The following STAMBPL1 variants were observed in gnomAD, a reference collection of about 807,000 sequenced individuals.
STAMBPL1 encodes the protein AMSH-like protease.
STAMBPL1 carries 44 observed loss-of-function variants against 52.9 expected under a neutral mutation model. The ratio of observed to expected loss-of-function variants is 0.83; its 90% CI spans 0.65 to 1.07. The LOEUF is 1.07. Among genes scored for constraint, STAMBPL1 ranks in the 50% least tolerant of loss-of-function variants. STAMBPL1 has a pLI of 0.00. For missense variants in STAMBPL1, 511 were observed against 520.8 expected (o/e 0.98, Z 0.18); for synonymous variants, 164 against 177.3 (o/e 0.92, Z 0.60).
rs78378683 is a variant in STAMBPL1 at position 88,908,271 on chromosome 10, C to T, written c.249-431C>T. 4.7e-3 allele frequency among the ~76,000 whole-genome samples: 719 copies of T among 152,110 alleles called. 7 individuals are homozygous for T. Among genetic ancestry groups the T allele is most frequent in the African/African-American group, 0.016 (671 of 41,494 alleles). On this transcript the variant is annotated intron_variant, in intron 3 of 10. Transcript: ENST00000371926. Reference sequence around the variant, plus strand: ...TTTCGGTTAAGAGTTTTTTGATACACGATGGCGCTGCTGATTCATCAGTGG... The same window carrying T: ...TTTCGGTTAAGAGTTTTTTGATACATGATGGCGCTGCTGATTCATCAGTGG...
At chr10:88,892,347 CGTGTGCGTGTGTGTGTGT>C (rs1352495119) in intron 1 of STAMBPL1, among the ~76,000 whole-genome samples, 1 of 113,384 alleles carries the variant, frequency 8.8e-6, no homozygotes, top group Admixed American at 1.0e-4. Flanking sequence ...TGTGTGTGTG[CGTGTGCGTGTGTGTGTGT>C]GTGTGTGTGT....
intron 8 of STAMBPL1, 114 bp downstream of exon 8, chr10:88,916,931 G>T (rs1027817494): frequency 3.5e-6 from 4 of 1,143,424 alleles, no homozygotes; most frequent in Admixed American, 3.0e-5. Context: ...TTTTTCAAAT[G>T]TAATAAAGGT....
In STAMBPL1 at chr10:88,921,219, A is replaced by G. The variant is rs1242744826; in HGVS notation, c.1042-64A>G. On this transcript the variant is annotated intron_variant, in intron 8 of 10. Coordinates refer to ENST00000371926, the MANE Select transcript of STAMBPL1 (RefSeq NM_020799.4). ...TAAAAAAAAACAGAGTTTTCTATTA[A>G]AATAGCCTATGGCCTTGGCTAAGAC... is the stretch of plus-strand genomic sequence containing the variant. The G allele has an allele frequency of 3.3e-5, 42 of 1,284,540 alleles. No individual in the cohort carries two copies. The East Asian group carries it at 6.6e-4, about 20-fold the overall frequency. The allele number at this position is 1,284,540 out of a possible 1,614,324, so 79.6% of individuals were successfully genotyped here. A position where few individuals can be genotyped will look rare whatever the true frequency, so the allele number is the denominator to read the frequency against.
intron 1 of STAMBPL1, among the ~76,000 whole-genome samples, chr10:88,892,100 A>C (rs913498938): frequency 2.0e-5 from 3 of 152,186 alleles, no homozygotes; most frequent in African/African-American, 4.8e-5. Context: ...ATGCAGGGTG[A>C]GGGAGGAGAA....
At chr10:88,912,137 A>C (rs1040556821) in intron 5 of STAMBPL1, among the ~76,000 whole-genome samples, 4 of 152,174 alleles carry the variant, frequency 2.6e-5, no homozygotes, top group Non-Finnish European at 5.9e-5. Flanking sequence ...CCCTTGCTTC[A>C]CCAGCATTAG....
chr10:88,885,701 T>G (rs926719485), intron 1 of STAMBPL1, among the ~76,000 whole-genome samples: 1 of 152,226 alleles, frequency 6.6e-6, no homozygotes, highest in African/African-American at 2.4e-5. Flanking sequence ...GAATATTTTA[T>G]AGAGTAATGG....
At chr10:88,890,455 G>A (rs951008306) in intron 1 of STAMBPL1, among the ~76,000 whole-genome samples, 19 of 152,212 alleles carry the variant, frequency 1.2e-4, no homozygotes, top group Non-Finnish European at 4.4e-5. Context: ...GTACATTAAG[G>A]AGCCTCCCCG....
chr10:88,890,765 T>C (rs1392072169), intron 1 of STAMBPL1, among the ~76,000 whole-genome samples: 1 of 152,246 alleles, frequency 6.6e-6, no homozygotes, highest in African/African-American at 2.4e-5. Context: ...TATAGCCACT[T>C]AGCTTCCAAG....
At chr10:88,895,320 C>T (rs1170108618) in intron 1 of STAMBPL1, among the ~76,000 whole-genome samples, 2 of 152,192 alleles carry the variant, frequency 1.3e-5, no homozygotes, top group African/African-American at 4.8e-5. Flanking sequence ...TGGTTACTTG[C>T]CAACCAGCCA....
At chr10:88,886,847 TAATTA>T (rs1207180973) in intron 1 of STAMBPL1, among the ~76,000 whole-genome samples, 1 of 152,226 alleles carries the variant, frequency 6.6e-6, no homozygotes, top group African/African-American at 2.4e-5. Flanking sequence ...TATGCACCTT[TAATTA>T]AAAGTGTAGG....
intron 1 of STAMBPL1, among the ~76,000 whole-genome samples, chr10:88,899,699 G>A (rs903474388): frequency 2.6e-5 from 4 of 151,788 alleles, no homozygotes; most frequent in East Asian, 1.9e-4. Context: ...CAGTAGAGAC[G>A]GAGTTTCACC....
intron 8 of STAMBPL1, 88 bp from the exon 9 acceptor site, chr10:88,921,195 A>G (rs1227822088): frequency 2.0e-6 from 2 of 984,944 alleles, no homozygotes; most frequent in African/African-American, 4.0e-5. Context: ...GGTAAAAACT[A>G]AAAAAAAACA....
At chr10:88,893,769 G>T (rs1250300786) in intron 1 of STAMBPL1, 6 of 152,160 alleles carry the variant, frequency 3.9e-5, no homozygotes, top group Admixed American at 2.0e-4. Context: ...GGGAATGAAT[G>T]TCCTTTTATT....
chr10:88,907,625 T>A (rs922615722), intron 3 of STAMBPL1, among the ~76,000 whole-genome samples: 1 of 152,196 alleles, frequency 6.6e-6, no homozygotes, highest in African/African-American at 2.4e-5. Context: ...GTATGATAAT[T>A]TGTAATTCAC....
chr10:88,916,413 T>C (rs1019316109), intron 7 of STAMBPL1, among the ~76,000 whole-genome samples: 6 of 151,560 alleles, frequency 4.0e-5, no homozygotes, highest in African/African-American at 1.5e-4. Context: ...ATTTCTGTTA[T>C]GTTTTCTATT....
At chr10:88,896,419 C>T (rs866953699) in intron 1 of STAMBPL1, among the ~76,000 whole-genome samples, 6 of 152,194 alleles carry the variant, frequency 3.9e-5, no homozygotes, top group Admixed American at 1.3e-4. Context: ...CTTTACCTCT[C>T]TTTATCTAAA....
Position 88,922,355 on chromosome 10 carries a change from C to A in STAMBPL1, c.1173C>A (p.Leu391=), listed in dbSNP as rs780489837. The A allele has an allele frequency of 6.2e-7, 1 of 1,613,394 alleles. No homozygotes were observed. ...PKHKDTGIFR[L]TNAGMLEVSA... is the part of the protein sequence containing the mutation. Reference sequence around the variant, plus strand: ...AATTTAGCACTGGCATCTTCAGGCTCACCAATGCTGGCATGCTTGAGGTTT... The same window carrying A: ...AATTTAGCACTGGCATCTTCAGGCTAACCAATGCTGGCATGCTTGAGGTTT... The change falls in exon 10 of 11, where the codon CTC becomes CTA. Residue 391 remains leucine (L), a synonymous_variant. Transcript: ENST00000371926.
intron 1 of STAMBPL1, among the ~76,000 whole-genome samples, chr10:88,888,032 G>A (rs1386197259): frequency 2.0e-5 from 3 of 152,106 alleles, no homozygotes; most frequent in African/African-American, 7.2e-5. Context: ...TCTCATAAAG[G>A]TACGATATAT....
At position 88,916,830 on chromosome 10, in the gene STAMBPL1, T is replaced by C. The variant is rs79135201; in HGVS notation, c.1041+13T>C. ...AGGATGGATCCATGTACGTTTGACC[T>C]TTTGGGTTTCAGTTTTTTTGTGTGT... On this transcript the variant is annotated intron_variant, in intron 8 of 10. Coordinates refer to ENST00000371926, the MANE Select transcript of STAMBPL1 (RefSeq NM_020799.4). 4.6e-4 allele frequency: 711 copies of C among 1,529,746 alleles called. 4 individuals are homozygous for C. The African/African-American group carries it at 9.2e-3, about 20-fold the overall frequency. 94.8% of individuals were successfully genotyped at this position (1,529,746 alleles called of 1,614,324 possible). A position where few individuals can be genotyped will look rare whatever the true frequency, so the allele number is the denominator to read the frequency against.
Sources: allele counts gnomAD v4.1 joint callset (sites outside exome capture counted in the v4.1 genomes callset), GRCh38; gene constraint gnomAD v4.1.1; transcripts MANE v1.5; gene names NCBI Gene and HGNC (gene_info 2026-07-23, HGNC 2026-07-21).